The following ALK variants were observed in gnomAD, a reference collection of about 807,000 sequenced individuals.
ALK encodes ALK receptor tyrosine kinase.
ALK carries 74 observed loss-of-function variants against 163.1 expected under a neutral mutation model. That is an observed-to-expected ratio of 0.45 (90% confidence interval 0.38 to 0.55). The LOEUF is 0.55. ALK is among the 20% of genes least tolerant of loss of function. The pLI is 0.00. For missense variants in ALK, 2,063 were observed against 2,105.3 expected, an observed-to-expected ratio of 0.98 and a Z score of 0.39; for synonymous variants, 960 against 843.2, an observed-to-expected ratio of 1.14 and a Z score of -2.40.
At chr2:29,493,405 C>T (rs1319269358) in intron 4 of ALK, among the ~76,000 whole-genome samples, 1 of 152,180 alleles carries the variant, frequency 6.6e-6, no homozygotes, top group East Asian at 1.9e-4. Flanking sequence ...AGTCACGTAT[C>T]GTGTTTTCTC....
chr2:29,480,763 C>T (rs940996970), intron 4 of ALK, among the ~76,000 whole-genome samples: 2 of 116,454 alleles, frequency 1.7e-5, no homozygotes, highest in East Asian at 5.4e-4. Context: ...AAAGTGGGAA[C>T]TCAGAAAGCT....
At chr2:29,534,746 G>A (rs909056692) in intron 3 of ALK, among the ~76,000 whole-genome samples, 5 of 152,198 alleles carry the variant, frequency 3.3e-5, no homozygotes, top group Non-Finnish European at 5.9e-5. Context: ...TGGACTAGGG[G>A]CTCTTTCTGT....
chr2:29,835,205 G>C (rs926931363), intron 1 of ALK, among the ~76,000 whole-genome samples: 6 of 152,108 alleles, frequency 3.9e-5, no homozygotes, highest in African/African-American at 9.7e-5. Flanking sequence ...TTCATTCTAA[G>C]CTGATTTAGA....
rs375830290 is a variant in ALK, at chr2:29,354,361, C to T, written c.1283-25880G>A. Among the ~76,000 whole-genome samples the T allele has an allele frequency of 2.0e-5, 3 of 152,172 alleles. No individual in the cohort carries two copies. The East Asian group carries it at 5.8e-4, about 29-fold the overall frequency. On this transcript the variant is annotated intron_variant, in intron 5 of 28. Coordinates refer to ENST00000389048, the MANE Select transcript of ALK (RefSeq NM_004304.5). ...GATGCATGTGGCCTTGCTCAAAAGC[C>T]AGATCTGGGCCCATCAGATTCCTTT...
At chr2:29,332,466 C>T (rs1184219671) in intron 5 of ALK, among the ~76,000 whole-genome samples, 1 of 152,110 alleles carries the variant, frequency 6.6e-6, no homozygotes, top group East Asian at 1.9e-4. Flanking sequence ...CTTTTACTTT[C>T]CTTCATTCTA....
chr2:29,266,896 C>T (rs1050771406), intron 11 of ALK, among the ~76,000 whole-genome samples: 1 of 152,170 alleles, frequency 6.6e-6, no homozygotes, highest in Non-Finnish European at 1.5e-5. Flanking sequence ...CATGGAGAAG[C>T]CACTACAGGC....
intron 1 of ALK, among the ~76,000 whole-genome samples, chr2:29,801,033 A>G (rs1426893581): frequency 6.6e-6 from 1 of 152,114 alleles, no homozygotes; most frequent in East Asian, 1.9e-4. Context: ...TCAGGGAGGA[A>G]CAGGTCCTGA....
At position 29,785,721 on chromosome 2, in the gene ALK, T is replaced by C. The variant is rs79823432; in HGVS notation, c.668-68024A>G. 4.0e-3 allele frequency among the ~76,000 whole-genome samples: 607 copies of C among 152,108 alleles called. 24 individuals are homozygous for C. In the East Asian group the frequency reaches 0.099, roughly 25 times the overall value. ...ATGAATCCTGCAGTGGGAAAATTAATTTAGTATAAGCCCCAAAGCCACAGA... is the reference window on the plus strand; with the variant it reads ...ATGAATCCTGCAGTGGGAAAATTAACTTAGTATAAGCCCCAAAGCCACAGA... On this transcript the variant is annotated intron_variant, in intron 1 of 28. Transcript: ENST00000389048.
intron 1 of ALK, among the ~76,000 whole-genome samples, chr2:29,795,166 C>A (rs1166482217): frequency 1.3e-5 from 2 of 151,652 alleles, no homozygotes; most frequent in East Asian, 1.9e-4. Context: ...TGAACATCAA[C>A]AGAAAATTCA....
chr2:29,885,487 C>T (rs1227507807), intron 1 of ALK, among the ~76,000 whole-genome samples: 1 of 151,602 alleles, frequency 6.6e-6, no homozygotes, highest in African/African-American at 2.4e-5. Context: ...TTGAGAAAAC[C>T]ATGCCCAGGT....
chr2:29,631,330 C>T (rs1390761547), intron 3 of ALK, among the ~76,000 whole-genome samples: 1 of 152,242 alleles, frequency 6.6e-6, no homozygotes, highest in African/African-American at 2.4e-5. Context: ...CAGATTAGAG[C>T]TGTAAGCTGT....
intron 3 of ALK, among the ~76,000 whole-genome samples, chr2:29,693,452 C>T (rs1027942502): frequency 1.5e-4 from 23 of 151,736 alleles, no homozygotes; most frequent in African/African-American, 2.9e-4. Context: ...CACACACACA[C>T]ACCCTACAAT....
chr2:29,254,329 A>ATG (rs145226086), intron 11 of ALK, among the ~76,000 whole-genome samples: 3 of 152,014 alleles, frequency 2.0e-5, no homozygotes, highest in Admixed American at 6.6e-5. Flanking sequence ...GAATACATAT[A>ATG]TGTGTGTGTG....
chr2:29,358,754 C>T (rs1668315260), intron 5 of ALK, among the ~76,000 whole-genome samples: 3 of 152,120 alleles, frequency 2.0e-5, no homozygotes, highest in Admixed American at 1.3e-4. Context: ...ATATTTTCTC[C>T]CATTTGGAAT....
intron 24 of ALK, among the ~76,000 whole-genome samples, chr2:29,210,705 T>C (rs1669442650): frequency 6.6e-6 from 1 of 152,124 alleles, no homozygotes; most frequent in Admixed American, 6.6e-5. Context: ...AAGTTATTAT[T>C]ATTAATTTTT....
At chr2:29,393,495 G>A (rs1246279467) in intron 4 of ALK, among the ~76,000 whole-genome samples, 1 of 152,138 alleles carries the variant, frequency 6.6e-6, no homozygotes, top group East Asian at 1.9e-4. Context: ...GGAGGCCAAG[G>A]AGAATCTGAA....
intron 1 of ALK, among the ~76,000 whole-genome samples, chr2:29,772,255 A>G (rs777396186): frequency 1.3e-5 from 2 of 152,252 alleles, no homozygotes; most frequent in Non-Finnish European, 2.9e-5. Flanking sequence ...ATAAAAGGAC[A>G]TAATATAATC....
At chr2:29,580,713 T>C (rs1254281510) in intron 3 of ALK, among the ~76,000 whole-genome samples, 1 of 152,202 alleles carries the variant, frequency 6.6e-6, no homozygotes, top group Non-Finnish European at 1.5e-5. Flanking sequence ...AAAATTGCCA[T>C]CCAGATGACA....
intron 3 of ALK, among the ~76,000 whole-genome samples, chr2:29,678,353 A>G (rs922968486): frequency 6.6e-6 from 1 of 151,516 alleles, no homozygotes; most frequent in African/African-American, 2.4e-5. Flanking sequence ...GCATGTTTTC[A>G]TTGATTTTTC....
Sources: allele counts gnomAD v4.1 joint callset (sites outside exome capture counted in the v4.1 genomes callset), GRCh38; gene constraint gnomAD v4.1.1; transcripts MANE v1.5; gene names NCBI Gene and HGNC (gene_info 2026-07-23, HGNC 2026-07-21).